APOLD1: variants seen among roughly 807,000 people sequenced by gnomAD.
The protein encoded by APOLD1 is apolipoprotein L domain containing 1, also known as apolipoprotein L domain-containing protein 1.
A neutral mutation model predicts 15.3 loss-of-function variants in APOLD1; 22 were observed. The observed-to-expected ratio is 1.44, with a 90% confidence interval of 1.03 to 2.05. APOLD1 has a LOEUF of 2.05. APOLD1 is among the 30% of genes most tolerant of loss of function. APOLD1 has a pLI of 0.00. For synonymous variants in APOLD1, 190 were observed against 167.4 expected (o/e 1.13, Z -1.04); for missense variants, 394 against 353.5 (o/e 1.11, Z -0.92).
chr12:12,756,775 T>C (rs577861332), intron 1 of APOLD1, among the ~76,000 whole-genome samples: 11 of 152,300 alleles, frequency 7.2e-5, no homozygotes, highest in African/African-American at 2.6e-4. Flanking sequence ...ATATTTTTCC[T>C]TTCTATAGCT....
intron 1 of APOLD1, among the ~76,000 whole-genome samples, chr12:12,755,512 C>T (rs1592297970): frequency 6.6e-6 from 1 of 152,174 alleles, no homozygotes; most frequent in Admixed American, 6.5e-5. Flanking sequence ...ATATAACCCA[C>T]AATAATTAGT....
At chr12:12,730,069 TGTGTGTGTGAGAGAGA>T (rs1285149286) in intron 1 of APOLD1, among the ~76,000 whole-genome samples, 18 of 60,432 alleles carry the variant, frequency 3.0e-4, no homozygotes, top group East Asian at 2.4e-3. Flanking sequence ...TGTGTGTGTG[TGTGTGTGTGAGAGAGA>T]GAGAGAGAGA....
Position 12,787,439 on chromosome 12 carries a change from C to T in APOLD1, c.534C>T (p.Phe178=), listed in dbSNP as rs1208667807. The change falls in exon 2 of 2, where the codon TTC becomes TTT. Residue 178 remains phenylalanine, a synonymous_variant. Coordinates refer to ENST00000356591, the MANE Select transcript of APOLD1 (RefSeq NM_030817.3). This position sits in a 1 kb window ranked among gnomAD's most constrained non-coding sequence, Gnocchi z 4.9. The part of the protein sequence containing the change: ...YFIVFFGSRG[F]LIPRRAEGDT... ...TCGTCTTCTTTGGCTCACGTGGCTT[C>T]CTCATCCCCAGGCGGGCGGAGGGGG... is the stretch of plus-strand genomic sequence containing the variant. 3 of 1,614,102 alleles carry T rather than the reference C, an allele frequency of 1.9e-6. No individual in the cohort carries two copies. Among genetic ancestry groups the T allele is most frequent in the Non-Finnish European group, 1.7e-6 (2 of 1,180,050 alleles).
At position 12,726,023 on chromosome 12, in the gene APOLD1, G is replaced by C. The variant is rs934813716; in HGVS notation, c.23G>C (p.Arg8Pro). The C allele has an allele frequency of 1.5e-5, 23 of 1,525,958 alleles. 1 individual carries two copies. The highest frequency in any genetic ancestry group is 2.1e-5 in the Admixed American group (1 of 47,180). 94.5% of individuals were successfully genotyped at this position (1,525,958 alleles called of 1,614,324 possible). A position where few individuals can be genotyped will look rare whatever the true frequency, so the allele number is the denominator to read the frequency against. Residue 8 changes from arginine to proline, a missense_variant, in exon 1 of 2, where the codon CGG becomes CCG. Arg to Pro is a moderately radical substitution (Grantham distance 103). Coordinates refer to the APOLD1 transcript ENST00000326765. ...CGGATGTTCCGCGCGCCGTGTCACC[G>C]GCTGCGGGCCAGGGGTACTCGGAAG... is the stretch of plus-strand genomic sequence containing the variant.
chr12:12,743,867 G>A (rs1458902778), intron 1 of APOLD1, among the ~76,000 whole-genome samples: 2 of 152,176 alleles, frequency 1.3e-5, no homozygotes, highest in Admixed American at 6.5e-5. Flanking sequence ...AAAGGGGCTA[G>A]GAGCCCAGGA....
upstream of APOLD1, among the ~76,000 whole-genome samples, chr12:12,783,621 T>G (rs1433366295): frequency 7.8e-5 from 10 of 128,578 alleles, no homozygotes; most frequent in Admixed American, 3.3e-4. Context: ...CCCCAGTTGG[T>G]TTTTTTTTGT....
intron 1 of APOLD1, among the ~76,000 whole-genome samples, chr12:12,741,827 A>T (rs1007391685): frequency 6.6e-6 from 1 of 152,198 alleles, no homozygotes. Flanking sequence ...AGCTGTAATG[A>T]TAAGGAAACT....
intron 1 of APOLD1, among the ~76,000 whole-genome samples, chr12:12,764,493 G>A (rs1230235872): frequency 6.6e-6 from 1 of 152,164 alleles, no homozygotes; most frequent in Non-Finnish European, 1.5e-5. Context: ...ATAAACATCA[G>A]CATTATGTAA....
intron 1 of APOLD1, among the ~76,000 whole-genome samples, chr12:12,768,020 C>T (rs766685616): frequency 5.3e-5 from 8 of 152,008 alleles, no homozygotes; most frequent in Admixed American, 1.3e-4. Context: ...CTCCTGACCT[C>T]GGGATCTGCC....
At chr12:12,781,979 C>T (rs547420262), upstream of APOLD1, among the ~76,000 whole-genome samples, 17 of 151,956 alleles carry the variant, frequency 1.1e-4, no homozygotes, top group African/African-American at 4.1e-4. Flanking sequence ...CCAGTTCTGG[C>T]TGGCCATGGT....
chr12:12,729,355 T>TC (rs201026342), intron 1 of APOLD1, among the ~76,000 whole-genome samples: 1 of 113,266 alleles, frequency 8.8e-6, no homozygotes, highest in Non-Finnish European at 1.9e-5. Context: ...CAAAGGATTT[T>TC]TAAAAAAATC....
At chr12:12,781,780 G>A (rs1947083457), upstream of APOLD1, among the ~76,000 whole-genome samples, 1 of 151,440 alleles carries the variant, frequency 6.6e-6, no homozygotes, top group African/African-American at 2.4e-5. Flanking sequence ...GCCTGCCTCG[G>A]CCTCCCAAAG....
At chr12:12,770,407 AAAC>A (rs149306151) in intron 1 of APOLD1, among the ~76,000 whole-genome samples, 2,755 of 152,308 alleles carry the variant, frequency 0.018, 34 homozygotes, top group Non-Finnish European at 0.029. Context: ...TTCATCTCAA[AAAC>A]AACAACAAAA....
At chr12:12,742,081 T>C (rs1946732610) in intron 1 of APOLD1, among the ~76,000 whole-genome samples, 2 of 152,110 alleles carry the variant, frequency 1.3e-5, no homozygotes, top group Non-Finnish European at 1.5e-5. Context: ...CCACAATATC[T>C]CTAATAATTG....
At chr12:12,744,868 A>C (rs777937503) in intron 1 of APOLD1, among the ~76,000 whole-genome samples, 31 of 152,056 alleles carry the variant, frequency 2.0e-4, no homozygotes, top group Non-Finnish European at 4.4e-4. Flanking sequence ...GCCCGACTTC[A>C]TGGGGCAGAT....
chr12:12,778,751 C>A (rs1037426596), intron 1 of APOLD1, among the ~76,000 whole-genome samples: 2 of 152,218 alleles, frequency 1.3e-5, no homozygotes, highest in Non-Finnish European at 2.9e-5. Context: ...AAAACATATT[C>A]TGTACTTTAT....
At chr12:12,782,470 G>A (rs947294377), upstream of APOLD1, among the ~76,000 whole-genome samples, 6 of 152,138 alleles carry the variant, frequency 3.9e-5, no homozygotes, top group African/African-American at 9.7e-5. Context: ...CTCATGGTTC[G>A]AGGACTCAGA....
At chr12:12,764,638 G>A (rs748392840) in intron 1 of APOLD1, 5 of 464,514 alleles carry the variant, frequency 1.1e-5, no homozygotes, top group South Asian at 8.7e-5. Flanking sequence ...GGCTTTATTG[G>A]TTGATTTCTC....
chr12:12,783,687 G>T (rs1249802654), upstream of APOLD1, among the ~76,000 whole-genome samples: 2 of 132,176 alleles, frequency 1.5e-5, no homozygotes, highest in South Asian at 2.5e-4. Context: ...AGGCTGTGTT[G>T]CAGTGGTACC....
Sources: allele counts gnomAD v4.1 joint callset (sites outside exome capture counted in the v4.1 genomes callset), GRCh38; gene constraint gnomAD v4.1.1; non-coding constraint Gnocchi (gnomAD v3.1); transcripts MANE v1.5; gene names NCBI Gene and HGNC (gene_info 2026-07-23, HGNC 2026-07-21).